Variants in RGS20 observed in about 807,000 individuals in gnomAD.
RGS20 encodes gz-selective GTPase-activating protein.
A neutral mutation model predicts 33.6 loss-of-function variants in RGS20; 30 were observed. That is an observed-to-expected ratio of 0.89 (90% CI 0.67 to 1.21). RGS20 has a LOEUF of 1.21. Among genes scored for constraint, RGS20 ranks in the 50% most tolerant of loss-of-function variants. The pLI, the probability that RGS20 is intolerant of heterozygous loss-of-function variation, is 0.00. For synonymous variants in RGS20, 208 were observed against 197.9 expected (o/e 1.05, Z -0.43); for missense variants, 472 against 502.4 (o/e 0.94, Z 0.58).
intron 3 of RGS20, among the ~76,000 whole-genome samples, chr8:53,945,541 T>C (rs945589422): frequency 3.9e-5 from 6 of 152,158 alleles, no homozygotes; most frequent in Non-Finnish European, 8.8e-5. Flanking sequence ...TTGCACAACT[T>C]TGTGAGTATA....
At chr8:53,879,194 C>G in intron 1 of RGS20, 1 of 1,340,704 alleles carries the variant, frequency 7.5e-7, no homozygotes, top group South Asian at 1.2e-5. Flanking sequence ...GTAAAGAGCC[C>G]CATCTAAGCG....
At chr8:53,866,389 T>C (rs558588418) in intron 1 of RGS20, among the ~76,000 whole-genome samples, 17 of 139,376 alleles carry the variant, frequency 1.2e-4, no homozygotes, top group African/African-American at 4.7e-4. Context: ...ATTTACCTCT[T>C]TTTTTTTTTT....
At chr8:53,930,801 G>A (rs915240285) in intron 2 of RGS20, among the ~76,000 whole-genome samples, 4 of 151,834 alleles carry the variant, frequency 2.6e-5, no homozygotes, top group Non-Finnish European at 4.4e-5. Context: ...TGCCTGCCTC[G>A]GCCTCCCAAG....
At chr8:53,940,196 G>A (rs1255840672) in intron 3 of RGS20, among the ~76,000 whole-genome samples, 1 of 152,126 alleles carries the variant, frequency 6.6e-6, no homozygotes, top group Non-Finnish European at 1.5e-5. Context: ...GTTTTAAAGA[G>A]AGAGAAATAT....
intron 2 of RGS20, among the ~76,000 whole-genome samples, chr8:53,921,011 C>T (rs7822718): frequency 0.29 from 43,601 of 152,112 alleles, 6,429 homozygotes; most frequent in African/African-American, 0.35. Flanking sequence ...CCACCCACCT[C>T]GGCCTCCCAA....
intron 1 of RGS20, among the ~76,000 whole-genome samples, chr8:53,864,624 A>G (rs951294321): frequency 1.3e-5 from 2 of 152,052 alleles, no homozygotes; most frequent in Admixed American, 1.3e-4. Flanking sequence ...GACCTCGTAC[A>G]TAGTGGGCAC....
chr8:53,867,603 G>A (rs986694473), intron 1 of RGS20, among the ~76,000 whole-genome samples: 1 of 151,842 alleles, frequency 6.6e-6, no homozygotes, highest in African/African-American at 2.4e-5. Flanking sequence ...ATGCCCTGTT[G>A]GTATCTAAAA....
At chr8:53,909,212 T>TAC (rs1813274948) in intron 2 of RGS20, among the ~76,000 whole-genome samples, 1 of 9,906 alleles carries the variant, frequency 1.0e-4, no homozygotes, top group Non-Finnish European at 2.3e-4. Flanking sequence ...TATGTGTGTA[T>TAC]ATATATATAT....
chr8:53,953,083 G>C (rs1054768864), intron 4 of RGS20, among the ~76,000 whole-genome samples: 8 of 152,282 alleles, frequency 5.3e-5, no homozygotes, highest in Admixed American at 3.9e-4. Flanking sequence ...ATAGGTAAGG[G>C]ATGACAAATT....
At chr8:53,953,969 T>C (rs1814786043) in intron 4 of RGS20, 107 bp from the exon 4 acceptor site, 1 of 825,264 alleles carries the variant, frequency 1.2e-6, no homozygotes, top group Non-Finnish European at 2.1e-6. Flanking sequence ...CCTAAATGCA[T>C]ATATTTTTCA....
At position 53,931,272 on chromosome 8, in the gene RGS20, TA is replaced by T. The variant is rs545321127; in HGVS notation, c.511-8302del. The stretch of plus-strand genomic sequence containing the variant: ...CCTGAAACTTACATGCAAGACTAAT[TA>T]AGGCCAGGTGCAGTGGCTCACGCCT... On this transcript the variant is annotated intron_variant, in intron 2 of 5. Transcript: ENST00000297313. Among the ~76,000 whole-genome samples the T allele has an allele frequency of 1.1e-3, 164 of 152,202 alleles. 1 individual carries two copies. Among genetic ancestry groups the T allele is most frequent in the African/African-American group, 3.8e-3 (157 of 41,530 alleles).
intron 2 of RGS20, among the ~76,000 whole-genome samples, chr8:53,919,566 G>C (rs527744103): frequency 1.3e-5 from 2 of 150,408 alleles, no homozygotes; most frequent in Non-Finnish European, 3.0e-5. Context: ...TGCTGGTCTG[G>C]TGTCGTTTGA....
intron 2 of RGS20, among the ~76,000 whole-genome samples, chr8:53,912,293 A>G (rs1813365702): frequency 6.6e-6 from 1 of 151,998 alleles, no homozygotes; most frequent in African/African-American, 2.4e-5. Context: ...CTAATCAACA[A>G]TGGAGTTGAG....
Position 53,939,675 on chromosome 8 carries a change from G to A in RGS20, c.610G>A (p.Gly204Arg). 1.3e-6 allele frequency: 2 copies of A among 1,576,906 alleles called. No homozygotes were observed. Among genetic ancestry groups the A allele is most frequent in the Non-Finnish European group, 1.7e-6 (2 of 1,161,438 alleles). ...AGGCCAGCCCGGAGCGGGGAGTCGC[G>A]GGTCCAACGCATGCTGCTTCTGCTG... Residue 204 changes from glycine to arginine, a missense_variant, in exon 3 of 6, where the codon GGG becomes AGG. Transcript: ENST00000297313.
intron 2 of RGS20, among the ~76,000 whole-genome samples, chr8:53,882,047 C>T (rs965913854): frequency 1.3e-5 from 2 of 151,968 alleles, no homozygotes; most frequent in African/African-American, 2.4e-5. Context: ...AAGCGGCGCT[C>T]CGGGACCGGG....
chr8:53,933,566 A>T (rs1312747985), intron 2 of RGS20: 1 of 152,228 alleles, frequency 6.6e-6, no homozygotes, highest in East Asian at 1.9e-4. Context: ...GAGAAAAATG[A>T]ATGAAAAGGA....
At chr8:53,899,060 A>C (rs1207491833) in intron 2 of RGS20, among the ~76,000 whole-genome samples, 2 of 152,192 alleles carry the variant, frequency 1.3e-5, no homozygotes, top group Non-Finnish European at 2.9e-5. Flanking sequence ...GTGATGTGTT[A>C]ACAGCATTTC....
At chr8:53,883,219 C>T (rs559553604) in intron 2 of RGS20, among the ~76,000 whole-genome samples, 1 of 151,392 alleles carries the variant, frequency 6.6e-6, no homozygotes. Flanking sequence ...TGCAATGGCG[C>T]GATCTCGGCT....
At chr8:53,874,408 G>A (rs1009859972) in intron 1 of RGS20, among the ~76,000 whole-genome samples, 7 of 151,026 alleles carry the variant, frequency 4.6e-5, no homozygotes, top group South Asian at 2.1e-4. Context: ...GTGTGCGCGC[G>A]CGTGTGCTTG....
Sources: allele counts gnomAD v4.1 joint callset (sites outside exome capture counted in the v4.1 genomes callset), GRCh38; gene constraint gnomAD v4.1.1; transcripts MANE v1.5; gene names NCBI Gene and HGNC (gene_info 2026-07-23, HGNC 2026-07-21).